The following TMEM131L variants were observed in gnomAD, a reference collection of about 807,000 sequenced individuals.
The protein encoded by TMEM131L is transmembrane protein 131-like.
In TMEM131L, 54 loss-of-function variants were observed where a neutral mutation model predicts 192.2. That is an observed-to-expected ratio of 0.28 (90% CI 0.23 to 0.35). The LOEUF (loss-of-function observed/expected upper bound fraction) is 0.35. Among genes scored for constraint, TMEM131L ranks in the 10% least tolerant of loss-of-function variants. The pLI is 1.00. For missense variants in TMEM131L, 1,888 were observed against 1,972.9 expected, an observed-to-expected ratio of 0.96 and a Z score of 0.82; for synonymous variants, 701 against 704.9, an observed-to-expected ratio of 0.99 and a Z score of 0.09.
intron 3 of TMEM131L, among the ~76,000 whole-genome samples, chr4:153,527,956 T>G (rs1159755711): frequency 1.3e-5 from 2 of 152,190 alleles, no homozygotes; most frequent in African/African-American, 4.8e-5. Context: ...TTCGAGAAGC[T>G]TCTGTAATTT....
chr4:153,509,972 A>C (rs1402570684), intron 3 of TMEM131L, among the ~76,000 whole-genome samples: 3 of 152,196 alleles, frequency 2.0e-5, no homozygotes, highest in African/African-American at 7.2e-5. Flanking sequence ...CTGTCAGGAA[A>C]GGAACTACAA....
intron 9 of TMEM131L, 149 bp downstream of exon 9, chr4:153,581,709 A>G: frequency 2.1e-6 from 1 of 467,498 alleles, no homozygotes; most frequent in Non-Finnish European, 3.5e-6. Flanking sequence ...CTGGTTCTCA[A>G]CCTACAACTG....
At chr4:153,627,443 G>A (rs575300017) in intron 30 of TMEM131L, among the ~76,000 whole-genome samples, 162 bp from the exon 31 acceptor site, 1 of 152,068 alleles carries the variant, frequency 6.6e-6, no homozygotes, top group South Asian at 2.1e-4. Flanking sequence ...TTCTTTTCTG[G>A]CTGTGTAACT....
intron 26 of TMEM131L, among the ~76,000 whole-genome samples, chr4:153,620,239 C>T (rs1370417327): frequency 1.3e-5 from 2 of 152,010 alleles, no homozygotes; most frequent in African/African-American, 4.8e-5. Context: ...TTTTCAGAAC[C>T]ACATTTTTGA....
At chr4:153,534,649 G>T (rs1384171637) in intron 3 of TMEM131L, among the ~76,000 whole-genome samples, 1 of 152,124 alleles carries the variant, frequency 6.6e-6, no homozygotes, top group Non-Finnish European at 1.5e-5. Context: ...TAGCCAGGAT[G>T]GTCTCTATCT....
chr4:153,591,345 A>C (rs1313572290), intron 17 of TMEM131L, 151 bp downstream of exon 17: 1 of 615,694 alleles, frequency 1.6e-6, no homozygotes, highest in Non-Finnish European at 2.6e-6. Context: ...AACTCTAAAC[A>C]GACTGAAAAT....
At chr4:153,495,328 A>C (rs201636583) in intron 3 of TMEM131L, among the ~76,000 whole-genome samples, 47 of 152,182 alleles carry the variant, frequency 3.1e-4, no homozygotes, top group African/African-American at 7.5e-4. Context: ...TGAAAACAAA[A>C]AAAAAAAACA....
At chr4:153,544,411 G>T (rs1289467591) in intron 3 of TMEM131L, among the ~76,000 whole-genome samples, 1 of 152,216 alleles carries the variant, frequency 6.6e-6, no homozygotes, top group African/African-American at 2.4e-5. Context: ...AGTGTCTGCT[G>T]AGTTTCCCTC....
At chr4:153,628,874 A>G (rs531761066) in intron 31 of TMEM131L, among the ~76,000 whole-genome samples, 2 of 152,252 alleles carry the variant, frequency 1.3e-5, no homozygotes, top group African/African-American at 2.4e-5. Flanking sequence ...GTGTACTTCA[A>G]GTGCCTTTAC....
At chr4:153,472,568 A>T (rs1397785319) in intron 2 of TMEM131L, among the ~76,000 whole-genome samples, 2 of 151,774 alleles carry the variant, frequency 1.3e-5, no homozygotes, top group Non-Finnish European at 2.9e-5. Flanking sequence ...TGCCCTTGTG[A>T]TGCTTGCAGT....
At chr4:153,581,713 A>T (rs530667363) in intron 9 of TMEM131L, among the ~76,000 whole-genome samples, 153 bp downstream of exon 9, 5 of 152,386 alleles carry the variant, frequency 3.3e-5, no homozygotes, top group African/African-American at 1.2e-4. Context: ...TTCTCAACCT[A>T]CAACTGCTAA....
chr4:153,586,572 TC>T (rs2150785938), intron 14 of TMEM131L, among the ~76,000 whole-genome samples, 193 bp downstream of exon 14: 1 of 152,330 alleles, frequency 6.6e-6, no homozygotes, highest in East Asian at 1.9e-4. Flanking sequence ...GAAAGAGTTT[TC>T]TTTTTTATAA....
intron 19 of TMEM131L, among the ~76,000 whole-genome samples, chr4:153,595,633 T>C (rs1417240441): frequency 1.3e-5 from 2 of 149,932 alleles, no homozygotes; most frequent in Admixed American, 6.7e-5. Context: ...GAAAAAGCAG[T>C]GGAAAGAGGG....
chr4:153,477,344 C>T (rs370580378), intron 3 of TMEM131L, among the ~76,000 whole-genome samples: 13 of 152,170 alleles, frequency 8.5e-5, no homozygotes, highest in East Asian at 7.7e-4. Flanking sequence ...GCCAGGGCTG[C>T]AGACCCAGGT....
chr4:153,485,914 A>G (rs1732298344), intron 3 of TMEM131L, among the ~76,000 whole-genome samples: 1 of 152,208 alleles, frequency 6.6e-6, no homozygotes, highest in African/African-American at 2.4e-5. Context: ...ATGAGGAGAC[A>G]GGTTCATCAA....
At chr4:153,587,919 A>G in intron 15 of TMEM131L, 108 bp downstream of exon 15, 1 of 828,278 alleles carries the variant, frequency 1.2e-6, no homozygotes, top group Non-Finnish European at 2.1e-6. Context: ...TAAAGGCATC[A>G]TATTCTATAG....
At chr4:153,483,165 A>G (rs943095109) in intron 3 of TMEM131L, among the ~76,000 whole-genome samples, 12 of 152,212 alleles carry the variant, frequency 7.9e-5, no homozygotes, top group African/African-American at 2.7e-4. Flanking sequence ...TTATACGTAA[A>G]TGTAGTGATG....
intron 7 of TMEM131L, among the ~76,000 whole-genome samples, chr4:153,566,066 A>C (rs1729166647): frequency 6.6e-6 from 1 of 152,170 alleles, no homozygotes; most frequent in African/African-American, 2.4e-5. Flanking sequence ...AAAAGAACTT[A>C]AATTATTATT....
intron 3 of TMEM131L, among the ~76,000 whole-genome samples, chr4:153,480,517 CA>C (rs1157080931): frequency 0.04 from 2,023 of 50,732 alleles, 25 homozygotes; most frequent in Admixed American, 0.098. Context: ...GACTCCATCT[CA>C]AAAAAAAAAA....
Sources: allele counts gnomAD v4.1 joint callset (sites outside exome capture counted in the v4.1 genomes callset), GRCh38; gene constraint gnomAD v4.1.1; transcripts MANE v1.5; gene names NCBI Gene and HGNC (gene_info 2026-07-23, HGNC 2026-07-21).